Variants in RPS6KA2 observed in about 807,000 individuals in gnomAD.
RPS6KA2 encodes the protein ribosomal protein S6 kinase A2.
A neutral mutation model predicts 91.8 loss-of-function variants in RPS6KA2; 42 were observed. The ratio of observed to expected loss-of-function variants is 0.46; its 90% confidence interval spans 0.36 to 0.59. The LOEUF (loss-of-function observed/expected upper bound fraction) is 0.59, where lower values mean the gene tolerates loss of function less well. RPS6KA2 is among the 20% of genes least tolerant of loss of function. The probability of loss-of-function intolerance (pLI) is 0.00; values close to 1 mark genes in which losing one functional copy is unlikely to be tolerated. For synonymous variants in RPS6KA2, 414 were observed against 393.6 expected (o/e 1.05, Z -0.61); for missense variants, 798 against 978.5 (o/e 0.82, Z 2.46).
intron 1 of RPS6KA2, among the ~76,000 whole-genome samples, chr6:166,565,302 G>A (rs1164866503): frequency 2.6e-5 from 4 of 152,244 alleles, no homozygotes; most frequent in African/African-American, 9.6e-5. Context: ...GCGAGGCGGT[G>A]GGGGCTGGCT....
intron 2 of RPS6KA2, among the ~76,000 whole-genome samples, chr6:166,638,775 C>T (rs1052279174): frequency 6.6e-6 from 1 of 152,170 alleles, no homozygotes; most frequent in Non-Finnish European, 1.5e-5. Flanking sequence ...GGGCTACCGG[C>T]ATCTCGTGGG....
chr6:166,531,547 G>A (rs1783277309), intron 2 of RPS6KA2, among the ~76,000 whole-genome samples: 1 of 152,036 alleles, frequency 6.6e-6, no homozygotes, highest in Admixed American at 6.6e-5. Flanking sequence ...ATTTGTTTTT[G>A]GTATCATTAA....
At chr6:166,467,821 G>T (rs547687904) in intron 11 of RPS6KA2, among the ~76,000 whole-genome samples, 1 of 152,372 alleles carries the variant, frequency 6.6e-6, no homozygotes, top group Admixed American at 6.5e-5. Context: ...AGACCCACGG[G>T]TGCAGGACTT....
intron 2 of RPS6KA2, among the ~76,000 whole-genome samples, chr6:166,656,345 C>T (rs1001682571): frequency 3.3e-5 from 5 of 152,160 alleles, no homozygotes; most frequent in Non-Finnish European, 4.4e-5. Context: ...GTGGGCAGGA[C>T]GATGGTCTGG....
At chr6:166,827,507 C>A (rs990658937) in intron 2 of RPS6KA2, among the ~76,000 whole-genome samples, 3 of 152,168 alleles carry the variant, frequency 2.0e-5, no homozygotes, top group Non-Finnish European at 4.4e-5. Context: ...TACTATGGCA[C>A]ATGTATTCCC....
intron 2 of RPS6KA2, among the ~76,000 whole-genome samples, chr6:166,834,025 T>G (rs188620960): frequency 6.6e-6 from 1 of 152,308 alleles, no homozygotes; most frequent in South Asian, 2.1e-4. Context: ...TGAGTCACCA[T>G]GCCTGTCCCC....
At chr6:166,438,248 T>C (rs1469410813) in intron 14 of RPS6KA2, among the ~76,000 whole-genome samples, 1 of 152,252 alleles carries the variant, frequency 6.6e-6, no homozygotes, top group Non-Finnish European at 1.5e-5. Flanking sequence ...GCTCTATTCA[T>C]GCCGAACATC....
exon 2 of RPS6KA2, chr6:166,858,236 C>T (rs2128634519): frequency 6.5e-7 from 1 of 1,540,658 alleles, no homozygotes; most frequent in Non-Finnish European, 9.0e-7. Flanking sequence ...GCTCCACATC[C>T]AGGTTGAGAT....
chr6:166,573,472 T>C (rs564603727), intron 1 of RPS6KA2, among the ~76,000 whole-genome samples: 11 of 152,378 alleles, frequency 7.2e-5, no homozygotes, highest in Non-Finnish European at 1.2e-4. Context: ...CTGCTGTCTA[T>C]GTAAAGTACA....
chr6:166,734,608 G>A (rs1477562529), intron 2 of RPS6KA2, among the ~76,000 whole-genome samples: 1 of 152,172 alleles, frequency 6.6e-6, no homozygotes, highest in Non-Finnish European at 1.5e-5. Context: ...TGTTAAGAAA[G>A]TCAATGAATT....
At chr6:166,617,785 C>T (rs1433310197) in intron 1 of RPS6KA2, among the ~76,000 whole-genome samples, 6 of 152,242 alleles carry the variant, frequency 3.9e-5, no homozygotes, top group South Asian at 4.1e-4. Context: ...AGAATGGCCA[C>T]GCATGGCTCG....
chr6:166,464,999 T>A (rs958113220), intron 11 of RPS6KA2, among the ~76,000 whole-genome samples: 11 of 150,354 alleles, frequency 7.3e-5, no homozygotes, highest in African/African-American at 1.3e-4. Context: ...AAAAAATAAA[T>A]AAATAAATAA....
At chr6:166,838,915 A>G (rs1669596399) in intron 2 of RPS6KA2, among the ~76,000 whole-genome samples, 1 of 152,162 alleles carries the variant, frequency 6.6e-6, no homozygotes, top group African/African-American at 2.4e-5. Flanking sequence ...GGTCAGAGTC[A>G]GAGGACGAGA....
At chr6:166,439,234 A>G (rs1468696582) in intron 14 of RPS6KA2, among the ~76,000 whole-genome samples, 7 of 152,054 alleles carry the variant, frequency 4.6e-5, no homozygotes, top group Admixed American at 3.9e-4. Context: ...CAGCCTCCTG[A>G]GTAGTTCGGA....
chr6:166,425,256 T>TA (rs1778869023), intron 16 of RPS6KA2, among the ~76,000 whole-genome samples: 1 of 152,052 alleles, frequency 6.6e-6, no homozygotes, highest in Non-Finnish European at 1.5e-5. Context: ...TTTTAAAATT[T>TA]AAAAAATTTT....
rs1423520178 is a variant in RPS6KA2, at chr6:166,635,126, T to G, written c.124-96342A>C. Among the ~76,000 whole-genome samples the G allele has an allele frequency of 6.6e-6, 1 of 152,214 alleles. No homozygotes were observed. Among genetic ancestry groups the G allele is most frequent in the African/African-American group, 2.4e-5 (1 of 41,446 alleles). Reference sequence around the variant, plus strand: ...AGTGACCGTGTGGGGCATACTTGGTTGTATTCATGTTTGTGACTCACTAAT... The same window carrying G: ...AGTGACCGTGTGGGGCATACTTGGTGGTATTCATGTTTGTGACTCACTAAT... On this transcript the variant is annotated intron_variant, in intron 2 of 21. Coordinates refer to the RPS6KA2 transcript ENST00000503859. This position sits in a 1 kb window ranked among gnomAD's most constrained non-coding sequence, Gnocchi z 4.8.
At chr6:166,617,258 T>C (rs1199062436) in intron 1 of RPS6KA2, among the ~76,000 whole-genome samples, 1 of 152,270 alleles carries the variant, frequency 6.6e-6, no homozygotes, top group Non-Finnish European at 1.5e-5. Flanking sequence ...TTTCCTGTTT[T>C]TCTATTTCTT....
chr6:166,690,177 C>T (rs1487196712), intron 2 of RPS6KA2, among the ~76,000 whole-genome samples: 4 of 152,150 alleles, frequency 2.6e-5, no homozygotes, highest in Non-Finnish European at 2.9e-5. Context: ...ACCAGTCTGA[C>T]GTGAGCACCC....
rs188792375 is a variant in RPS6KA2 at position 166,552,764 on chromosome 6, G to A, written c.100-13980C>T. Among the ~76,000 whole-genome samples the A allele has an allele frequency of 8.4e-3, 1,284 of 152,306 alleles. 1 individual carries two copies. The highest frequency in any genetic ancestry group is 0.014 in the Non-Finnish European group (953 of 68,028). On this transcript the variant is annotated intron_variant, in intron 1 of 20. Transcript: ENST00000265678. ...AACTTGGTTAGGAAACCCATGCATC[G>A]AGGATGCTATTTCCGAATTGCTAAG... is the stretch of plus-strand genomic sequence containing the variant.
Sources: allele counts gnomAD v4.1 joint callset (sites outside exome capture counted in the v4.1 genomes callset), GRCh38; gene constraint gnomAD v4.1.1; non-coding constraint Gnocchi (gnomAD v3.1); transcripts MANE v1.5; gene names NCBI Gene and HGNC (gene_info 2026-07-23, HGNC 2026-07-21).